Variants in CLSTN2 observed in about 807,000 individuals in gnomAD.
CLSTN2 encodes the protein calsyntenin 2.
Under a neutral mutation model 101.2 loss-of-function variants are expected in CLSTN2, and 48 were observed. The ratio of observed to expected loss-of-function variants is 0.47; its 90% CI spans 0.38 to 0.60. The LOEUF (loss-of-function observed/expected upper bound fraction) is 0.60. Ranked by LOEUF, CLSTN2 falls within the 20% of genes least tolerant of loss-of-function variation. The probability of loss-of-function intolerance (pLI) is 0.00; values close to 1 mark genes in which losing one functional copy is unlikely to be tolerated. For synonymous variants in CLSTN2, 481 were observed against 463.6 expected (o/e 1.04, Z -0.48); for missense variants, 1,160 against 1,238.2 (o/e 0.94, Z 0.95).
In CLSTN2 at chr3:140,567,658, G is replaced by C. The variant is rs1297272421; in HGVS notation, c.*1405G>C. On this transcript the variant is annotated 3_prime_UTR_variant, in exon 17 of 17. Transcript: ENST00000458420. ...TCCACGAAGCTCTGAGAACATGTTT[G>C]TTTCGAATGTCTGATTCCTCTTTGT... 4 of 152,212 alleles carry C rather than the reference G, an allele frequency of 2.6e-5. No homozygotes were observed. The highest frequency in any genetic ancestry group is 9.7e-5 in the African/African-American group (4 of 41,450). 9.4% of individuals were successfully genotyped at this position (152,212 alleles called of 1,614,324 possible). A position where few individuals can be genotyped will look rare whatever the true frequency, so the allele number is the denominator to read the frequency against.
intron 1 of CLSTN2, among the ~76,000 whole-genome samples, chr3:140,175,605 C>T (rs575083889): frequency 1.3e-5 from 2 of 152,288 alleles, no homozygotes; most frequent in East Asian, 3.9e-4. Flanking sequence ...AGAATTAAAG[C>T]TTTCAATCAG....
chr3:140,514,106 T>C (rs1934870152), intron 8 of CLSTN2, among the ~76,000 whole-genome samples: 1 of 151,940 alleles, frequency 6.6e-6, no homozygotes, highest in Non-Finnish European at 1.5e-5. Context: ...TTCACTCTGA[T>C]CTTGGTTCTT....
intron 1 of CLSTN2, among the ~76,000 whole-genome samples, chr3:140,093,144 C>G (rs74495441): frequency 0.038 from 5,791 of 152,248 alleles, 153 homozygotes; most frequent in East Asian, 0.075. Context: ...TACTGACTCC[C>G]TCAACTGCAG....
chr3:139,947,722 C>T (rs1385111970), intron 1 of CLSTN2, among the ~76,000 whole-genome samples: 4 of 152,168 alleles, frequency 2.6e-5, no homozygotes, highest in African/African-American at 9.7e-5. Context: ...ATTGTGCTAT[C>T]ATCAGAAATG....
Position 140,448,209 on chromosome 3 carries a change from CTGTG to C in CLSTN2, c.788-279_788-276del, listed in dbSNP as rs55857773. 3.9e-3 allele frequency among the ~76,000 whole-genome samples: 580 copies of C among 148,400 alleles called. 2 individuals carry two copies. Among genetic ancestry groups the C allele is most frequent in the East Asian group, 0.012 (58 of 5,014 alleles). ...GGCTGGTATATGTTTGAGGGTGTGACTGTGTGTGTGTGTGTGTGTGTGTGTGTGT... is the reference window on the plus strand; with the variant it reads ...GGCTGGTATATGTTTGAGGGTGTGACTGTGTGTGTGTGTGTGTGTGTGTGT... On this transcript the variant is annotated intron_variant, in intron 5 of 16. Coordinates refer to ENST00000458420, the MANE Select transcript of CLSTN2 (RefSeq NM_022131.3).
At chr3:140,220,552 T>G (rs1196332664) in intron 2 of CLSTN2, among the ~76,000 whole-genome samples, 1 of 152,228 alleles carries the variant, frequency 6.6e-6, no homozygotes, top group Non-Finnish European at 1.5e-5. Flanking sequence ...ATGTCTGTTA[T>G]TATTACCTGA....
chr3:140,172,014 T>C (rs2010245193), intron 1 of CLSTN2, among the ~76,000 whole-genome samples: 1 of 148,692 alleles, frequency 6.7e-6, no homozygotes, highest in Admixed American at 7.0e-5. Flanking sequence ...AAAGTTACGC[T>C]TTGTGGAGGT....
intron 1 of CLSTN2, among the ~76,000 whole-genome samples, chr3:140,129,824 CT>C (rs533405511): frequency 2.2e-4 from 33 of 152,286 alleles, no homozygotes; most frequent in African/African-American, 7.7e-4. Context: ...TTCATCACCC[CT>C]GACTTCTGCA....
chr3:140,120,446 T>C (rs544731887), intron 1 of CLSTN2, among the ~76,000 whole-genome samples: 1 of 152,296 alleles, frequency 6.6e-6, no homozygotes, highest in South Asian at 2.1e-4. Flanking sequence ...CTGGAAGCTC[T>C]CTGAACTCTG....
chr3:140,130,135 G>C (rs377120810), intron 1 of CLSTN2, among the ~76,000 whole-genome samples: 1 of 152,162 alleles, frequency 6.6e-6, no homozygotes, highest in African/African-American at 2.4e-5. Flanking sequence ...CTTGGAGGAG[G>C]GCTGGGGGCA....
At chr3:140,097,955 T>TATTTAATA (rs2008899632) in intron 1 of CLSTN2, among the ~76,000 whole-genome samples, 1 of 152,150 alleles carries the variant, frequency 6.6e-6, no homozygotes, top group Non-Finnish European at 1.5e-5. Flanking sequence ...CCCAGAGAAA[T>TATTTAATA]GAATTTTGTA....
At chr3:140,554,440 T>C (rs765731372) in intron 10 of CLSTN2, among the ~76,000 whole-genome samples, 6 of 152,094 alleles carry the variant, frequency 3.9e-5, no homozygotes, top group Non-Finnish European at 5.9e-5. Flanking sequence ...CTAAGAAAAA[T>C]ACAAACTTAA....
intron 9 of CLSTN2, among the ~76,000 whole-genome samples, chr3:140,534,904 T>C (rs1018405945): frequency 1.3e-5 from 2 of 152,220 alleles, no homozygotes; most frequent in African/African-American, 4.8e-5. Context: ...CCATCCTTCC[T>C]TAAATGGGAC....
chr3:140,486,034 T>C (rs1427682244), intron 8 of CLSTN2, among the ~76,000 whole-genome samples: 2 of 151,314 alleles, frequency 1.3e-5, no homozygotes, highest in East Asian at 3.9e-4. Context: ...TCTTCTGCAT[T>C]GCTCACACCG....
At chr3:140,324,842 C>A (rs2087316336) in intron 2 of CLSTN2, among the ~76,000 whole-genome samples, 6 of 152,122 alleles carry the variant, frequency 3.9e-5, no homozygotes, top group South Asian at 2.1e-4. Context: ...GACTTCTTTG[C>A]ACTGAGAACA....
chr3:140,310,280 G>A (rs1009145922), intron 2 of CLSTN2, among the ~76,000 whole-genome samples: 6 of 149,478 alleles, frequency 4.0e-5, no homozygotes, highest in South Asian at 2.1e-4. Context: ...CGCCCCCACC[G>A]CACCCCCTCC....
At chr3:140,059,587 G>A (rs1048759438) in intron 1 of CLSTN2, among the ~76,000 whole-genome samples, 1 of 152,134 alleles carries the variant, frequency 6.6e-6, no homozygotes, top group African/African-American at 2.4e-5. Context: ...AGCTTGCTCA[G>A]TCCTCTTGGT....
At chr3:140,562,341 G>A (rs199568232) in intron 13 of CLSTN2, 33 bp downstream of exon 13, 1 of 1,589,148 alleles carries the variant, frequency 6.3e-7, no homozygotes, top group African/African-American at 1.3e-5. Context: ...TTGCCCCAAG[G>A]GTGTCCTCTT....
chr3:140,355,166 A>G (rs1389546031), intron 2 of CLSTN2, among the ~76,000 whole-genome samples: 1 of 152,222 alleles, frequency 6.6e-6, no homozygotes, highest in South Asian at 2.1e-4. Flanking sequence ...TAAATTGTGC[A>G]TGGATAAAAA....
Sources: allele counts gnomAD v4.1 joint callset (sites outside exome capture counted in the v4.1 genomes callset), GRCh38; gene constraint gnomAD v4.1.1; transcripts MANE v1.5; gene names NCBI Gene and HGNC (gene_info 2026-07-23, HGNC 2026-07-21).